The following BRWD1 variants were observed in gnomAD, a reference collection of about 807,000 sequenced individuals.
BRWD1 encodes the protein bromodomain and WD repeat-containing protein 1.
Under a neutral mutation model 251.2 loss-of-function variants are expected in BRWD1, and 82 were observed. That is an observed-to-expected ratio of 0.33 (90% CI 0.27 to 0.39). The LOEUF (loss-of-function observed/expected upper bound fraction) is 0.39, where lower values mean the gene tolerates loss of function less well. BRWD1 is among the 10% of genes least tolerant of loss of function. BRWD1 has a pLI of 1.00. For missense variants in BRWD1, 2,233 were observed against 2,711.6 expected, an observed-to-expected ratio of 0.82 and a Z score of 3.92; for synonymous variants, 918 against 902.8, an observed-to-expected ratio of 1.02 and a Z score of -0.30.
At position 39,210,799 on chromosome 21, in the gene BRWD1, A is replaced by C; in HGVS notation, c.4031T>G (p.Leu1344Trp). ...DSEPFRQPVDLVEYPDYRDII... is the reference protein window; with the variant it reads ...DSEPFRQPVDWVEYPDYRDII... Reference sequence around the variant, plus strand: ...ATGGAAACTTACTGGATATTCAACCAAATCAACAGGTTGTCTAAATGGTTC... The same window carrying C: ...ATGGAAACTTACTGGATATTCAACCCAATCAACAGGTTGTCTAAATGGTTC... Residue 1344 changes from leucine to tryptophan, a missense_variant, in exon 35 of 41, where the codon TTG becomes TGG. By Grantham distance (61) the Leu-to-Trp change is moderately conservative (BLOSUM62 -2). This residue lies in a region of BRWD1 where 69 missense variants were observed against 101.6 expected (regional missense o/e 0.68). Transcript: ENST00000342449. 6.2e-7 allele frequency: 1 copy of C among 1,605,982 alleles called. No individual in the cohort carries two copies.
intron 11 of BRWD1, 84 bp from the exon 12 acceptor site, chr21:39,276,297 C>G (rs2035279608): frequency 7.8e-6 from 10 of 1,284,062 alleles, no homozygotes; most frequent in South Asian, 1.6e-5. Context: ...ATGCTAGAAG[C>G]CTATTTGCTT....
At chr21:39,211,969 T>G (rs763747013) in intron 34 of BRWD1, among the ~76,000 whole-genome samples, 28 of 152,184 alleles carry the variant, frequency 1.8e-4, no homozygotes, top group Non-Finnish European at 4.0e-4. Flanking sequence ...GATACTCCAT[T>G]ATGATTACCC....
intron 8 of BRWD1, among the ~76,000 whole-genome samples, chr21:39,288,374 A>G (rs2035706106): frequency 6.6e-6 from 1 of 152,274 alleles, no homozygotes; most frequent in Non-Finnish European, 1.5e-5. Flanking sequence ...AAGTGCCAGA[A>G]GGCAAGAATC....
Position 39,197,002 on chromosome 21 carries a change from T to C in BRWD1, c.6067A>G (p.Met2023Val), listed in dbSNP as rs772388073. ...ALNGDSDSED[M>V]LNSEHKHRHT... ...CTGTGCTTGTGTTCTGAATTCAACATATCTTCAGAGTCTGAGTCTCCATTT... is the reference window on the plus strand; with the variant it reads ...CTGTGCTTGTGTTCTGAATTCAACACATCTTCAGAGTCTGAGTCTCCATTT... Residue 2023 changes from methionine to valine, a missense_variant, in exon 41 of 41, where the codon ATG (methionine) becomes GTG (valine). By Grantham distance (21) the Met-to-Val change is conservative. Transcript: ENST00000342449. The C allele has an allele frequency of 6.2e-7, 1 of 1,613,984 alleles. No homozygotes were observed. The highest frequency in any genetic ancestry group is 2.2e-5 in the East Asian group (1 of 44,904).
chr21:39,189,067 T>C lies in BRWD1; in HGVS notation c.*7192A>G. On this transcript the variant is annotated 3_prime_UTR_variant, in exon 41 of 41. Coordinates refer to ENST00000342449, the MANE Select transcript of BRWD1 (RefSeq NM_033656.4). Reference sequence around the variant, plus strand: ...ATTATGAACTAGTATCTCCAACAAGTCAACCCTATATCCAAAATGAATCTT... The same window carrying C: ...ATTATGAACTAGTATCTCCAACAAGCCAACCCTATATCCAAAATGAATCTT... 3 of 984,318 alleles carry C rather than the reference T, an allele frequency of 3.0e-6. No homozygotes were observed. The highest frequency in any genetic ancestry group is 3.6e-6 in the Non-Finnish European group (3 of 828,882). The allele number at this position is 984,318 out of a possible 1,614,324, so 61.0% of individuals were successfully genotyped here. A position where few individuals can be genotyped will look rare whatever the true frequency, so the allele number is the denominator to read the frequency against.
At position 39,189,611 on chromosome 21, in the gene BRWD1, C is replaced by T; in HGVS notation, c.*6648G>A. On this transcript the variant is annotated 3_prime_UTR_variant, in exon 41 of 41. Coordinates refer to ENST00000342449, the MANE Select transcript of BRWD1 (RefSeq NM_033656.4). Reference sequence around the variant, plus strand: ...CTTGATAAAGCTGAATCTCTTAAGTCTTAGACAATAAAACAGGAATTTCAG... The same window carrying T: ...CTTGATAAAGCTGAATCTCTTAAGTTTTAGACAATAAAACAGGAATTTCAG... The T allele has an allele frequency of 1.0e-6, 1 of 982,432 alleles. No homozygotes were observed. Among genetic ancestry groups the T allele is most frequent in the Non-Finnish European group, 1.2e-6 (1 of 827,356 alleles). The allele number at this position is 982,432 out of a possible 1,614,324, so 60.9% of individuals were successfully genotyped here. A position where few individuals can be genotyped will look rare whatever the true frequency, so the allele number is the denominator to read the frequency against.
Position 39,218,538 on chromosome 21 carries a change from T to C in BRWD1, c.3505A>G (p.Ile1169Val). Residue 1169 changes from isoleucine to valine, a missense_variant, in exon 30 of 41, where the codon ATT becomes GTT. By Grantham distance (29) the Ile-to-Val change is conservative. This residue lies in a region of BRWD1 where 139 missense variants were observed against 272.8 expected (regional missense o/e 0.51). Transcript: ENST00000342449. Reference sequence around the variant, plus strand: ...AAAAGTTGATCTATACCACTGATAATTCTATCACATTCTTCATCTCTTGAT... The same window carrying C: ...AAAAGTTGATCTATACCACTGATAACTCTATCACATTCTTCATCTCTTGAT... ...QKSRDEECDR[I>V]ISGIDQLLNL... 1 of 1,609,680 alleles carries C rather than the reference T, an allele frequency of 6.2e-7. No homozygotes were observed. Among genetic ancestry groups the C allele is most frequent in the Non-Finnish European group, 8.5e-7 (1 of 1,179,000 alleles).
At chr21:39,230,205 G>A (rs1184323856) in intron 25 of BRWD1, among the ~76,000 whole-genome samples, 2 of 152,176 alleles carry the variant, frequency 1.3e-5, no homozygotes, top group Non-Finnish European at 2.9e-5. Flanking sequence ...CTTCTAGGCA[G>A]TAGGGACAGG....
intron 19 of BRWD1, 97 bp downstream of exon 19, chr21:39,255,548 A>G: frequency 9.9e-7 from 1 of 1,012,230 alleles, no homozygotes; most frequent in Non-Finnish European, 1.4e-6. Context: ...TATTTATACA[A>G]TTATTTACAC....
chr21:39,196,877 C>T lies in BRWD1; in HGVS notation c.6192G>A (p.Glu2064=). ...ACTCTGAAGAAAATGTCCTATCAGTCTCACTCCCTGGAATATGACTTTTTG... is the reference window on the plus strand; with the variant it reads ...ACTCTGAAGAAAATGTCCTATCAGTTTCACTCCCTGGAATATGACTTTTTG... ...EDSKSHIPGS[E]TDRTFSSEST... Residue 2064 remains glutamate, a synonymous_variant, in exon 41 of 41, where the codon GAG becomes GAA. Transcript: ENST00000342449. 6.2e-7 allele frequency: 1 copy of T among 1,613,796 alleles called. No homozygotes were observed. The highest frequency in any genetic ancestry group is 8.5e-7 in the Non-Finnish European group (1 of 1,179,944).
In BRWD1 at chr21:39,189,059, CCAA is replaced by C. The variant is rs2031405350; in HGVS notation, c.*7197_*7199del. ...ATTTTAAAATTATGAACTAGTATCT[CCAA>C]CAAGTCAACCCTATATCCAAAATGA... On this transcript the variant is annotated 3_prime_UTR_variant, in exon 41 of 41. Coordinates refer to ENST00000342449, the MANE Select transcript of BRWD1 (RefSeq NM_033656.4). The C allele has an allele frequency of 2.0e-6, 2 of 984,524 alleles. No individual in the cohort carries two copies. The highest frequency in any genetic ancestry group is 3.5e-5 in the African/African-American group (2 of 57,172). 61.0% of individuals were successfully genotyped at this position (984,524 alleles called of 1,614,324 possible).
Position 39,313,065 on chromosome 21 carries a change from C to T in BRWD1, c.138+7G>A. On this transcript the variant is annotated splice_region_variant and intron_variant, in intron 3 of 40. Transcript: ENST00000342449. ...CCGAGGGAGCGCGGGGACGGGCGCGCACAGACCTGGTACTGCTCCAGCTCC... is the reference window on the plus strand; with the variant it reads ...CCGAGGGAGCGCGGGGACGGGCGCGTACAGACCTGGTACTGCTCCAGCTCC... The T allele has an allele frequency of 6.9e-7, 1 of 1,444,908 alleles. No homozygotes were observed. Among genetic ancestry groups the T allele is most frequent in the Non-Finnish European group, 9.1e-7 (1 of 1,097,870 alleles). 89.5% of individuals were successfully genotyped at this position (1,444,908 alleles called of 1,614,324 possible).
At chr21:39,307,044 G>A (rs2036309925) in intron 4 of BRWD1, among the ~76,000 whole-genome samples, 1 of 152,048 alleles carries the variant, frequency 6.6e-6, no homozygotes, top group Non-Finnish European at 1.5e-5. Context: ...AGTAGAGACG[G>A]GGTTTCACCC....
chr21:39,201,442 G>C (rs1181297290), intron 38 of BRWD1, among the ~76,000 whole-genome samples: 1 of 152,138 alleles, frequency 6.6e-6, no homozygotes. Context: ...CTTCTGCAAG[G>C]CTCGAAAGTT....
chr21:39,258,968 C>T (rs1172634883), intron 17 of BRWD1, among the ~76,000 whole-genome samples: 2 of 152,176 alleles, frequency 1.3e-5, no homozygotes, highest in Non-Finnish European at 2.9e-5. Context: ...CTGTTTCACA[C>T]TAATGCCCCT....
At chr21:39,298,625 C>A in intron 4 of BRWD1, 43 bp from the exon 5 acceptor site, 2 of 1,469,204 alleles carry the variant, frequency 1.4e-6, no homozygotes, top group Non-Finnish European at 1.8e-6. Context: ...TTAATAATAT[C>A]AAAAACTATT....
At chr21:39,314,368 G>C, upstream of BRWD1, 1 of 455,400 alleles carries the variant, frequency 2.2e-6, no homozygotes, top group Non-Finnish European at 4.4e-6. Flanking sequence ...GCGAGTCGGG[G>C]GAGCAGCGCG....
At chr21:39,210,965 C>G in intron 34 of BRWD1, 36 bp from the exon 35 acceptor site, 1 of 1,595,750 alleles carries the variant, frequency 6.3e-7, no homozygotes, top group South Asian at 1.1e-5. Flanking sequence ...AAAAATCACA[C>G]TATTGGTGTA....
chr21:39,264,994 A>C lies in BRWD1; in HGVS notation c.1556T>G (p.Val519Gly). 1 of 1,614,010 alleles carries C rather than the reference A, an allele frequency of 6.2e-7. No individual in the cohort carries two copies. The highest frequency in any genetic ancestry group is 8.5e-7 in the Non-Finnish European group (1 of 1,179,938). Residue 519 changes from valine (V) to glycine (G), a missense_variant, in exon 16 of 41, where the codon GTG becomes GGG. Around this residue, in one of 12 missense-constraint regions of BRWD1, gnomAD observed 315 missense variants for 421.8 expected, o/e 0.75. Transcript: ENST00000342449. ...ATCCTGTGAAAACTTACAGTCAAAC[A>C]CAGCTCCATGTCCTTGTCCTTCAAT... ...NMIEGQGHGA[V>G]FDCKFSQDGQ...
Sources: gnomAD v4.1 joint callset for allele counts (sites outside exome capture counted in the v4.1 genomes callset) on GRCh38, gnomAD v4.1.1 for gene constraint, gnomAD v4.1.1 regional missense constraint, MANE v1.5 for transcripts, NCBI Gene and HGNC (gene_info 2026-07-23, HGNC 2026-07-21) for gene names.